The following ME3 variants were observed in gnomAD, a reference collection of about 807,000 sequenced individuals.
ME3 encodes malic enzyme 3.
ME3 carries 48 observed loss-of-function variants against 68.9 expected under a neutral mutation model. That is an observed-to-expected ratio of 0.70 (90% CI 0.55 to 0.89). ME3 has a LOEUF of 0.89. ME3 is among the 40% of genes least tolerant of loss of function. The pLI is 0.00. For missense variants in ME3, 675 were observed against 797.4 expected (o/e 0.85, Z 1.85); for synonymous variants, 320 against 318.8 (o/e 1.00, Z -0.04).
chr11:86,453,958 A>G (rs1746893311), intron 8 of ME3, among the ~76,000 whole-genome samples: 1 of 152,204 alleles, frequency 6.6e-6, no homozygotes, highest in Admixed American at 6.5e-5. Flanking sequence ...GAATTCTTTA[A>G]TAGACAATTA....
At chr11:86,585,924 G>A (rs1050402268) in intron 2 of ME3, among the ~76,000 whole-genome samples, 13 of 152,266 alleles carry the variant, frequency 8.5e-5, no homozygotes, top group African/African-American at 2.2e-4. Flanking sequence ...GAAGGAAGGC[G>A]TGACCAACAC....
At chr11:86,568,349 A>C (rs956871932) in intron 2 of ME3, among the ~76,000 whole-genome samples, 3 of 152,208 alleles carry the variant, frequency 2.0e-5, no homozygotes, top group African/African-American at 7.2e-5. Flanking sequence ...CCAATGGGTT[A>C]ATGTCTGGAA....
chr11:86,660,563 T>C (rs1222862524), intron 2 of ME3, among the ~76,000 whole-genome samples: 1 of 152,200 alleles, frequency 6.6e-6, no homozygotes, highest in East Asian at 1.9e-4. Context: ...ATTGGAATCT[T>C]AGATTGTTCT....
Position 86,536,631 on chromosome 11 carries a change from AAAC to A in ME3, c.467+19919_467+19921del, listed in dbSNP as rs1955682083. Among the ~76,000 whole-genome samples, 4 of 144,704 alleles carry A rather than the reference AAAC, an allele frequency of 2.8e-5. No homozygotes were observed. The South Asian group carries it at 9.2e-4, about 33-fold the overall frequency. The allele number at this position is 144,704 out of a possible 152,430, so 94.9% of individuals were successfully genotyped here. A position where few individuals can be genotyped will look rare whatever the true frequency, so the allele number is the denominator to read the frequency against. ...GAATGGCCATCATTAAAAAGTCAGG[AAAC>A]AACAGGTGCTGGAGAGGATGTGGAG... On this transcript the variant is annotated intron_variant, in intron 4 of 14. Transcript: ENST00000543262.
chr11:86,449,892 G>C (rs763737445), exon 10 of ME3: 1 of 1,611,664 alleles, frequency 6.2e-7, no homozygotes. Flanking sequence ...ACAGTACCTT[G>C]ACAATGAGCC....
chr11:86,574,923 C>CAACATATTGCCT (rs1218095693), intron 2 of ME3, among the ~76,000 whole-genome samples: 16 of 117,984 alleles, frequency 1.4e-4, no homozygotes, highest in South Asian at 4.8e-4. Flanking sequence ...GTGAAGGTAT[C>CAACATATTGCCT]TGCAAATTCC....
intron 2 of ME3, among the ~76,000 whole-genome samples, chr11:86,612,331 G>T (rs1356388750): frequency 6.6e-6 from 1 of 152,142 alleles, no homozygotes; most frequent in Non-Finnish European, 1.5e-5. Flanking sequence ...ATTTGGGTTG[G>T]TTCTATGTCT....
At chr11:86,448,299 G>T in intron 10 of ME3, 44 bp from the exon 11 acceptor site, 1 of 1,426,796 alleles carries the variant, frequency 7.0e-7, no homozygotes, top group Non-Finnish European at 9.9e-7. Context: ...GTGATGGCCT[G>T]TTGGGTAGGA....
chr11:86,594,138 A>G (rs1196872474), intron 2 of ME3, among the ~76,000 whole-genome samples: 1 of 147,004 alleles, frequency 6.8e-6, no homozygotes, highest in African/African-American at 2.5e-5. Context: ...AGAGATATCA[A>G]CAGTTTTAAG....
intron 5 of ME3, among the ~76,000 whole-genome samples, chr11:86,505,921 C>T (rs965596861): frequency 1.3e-5 from 2 of 152,156 alleles, no homozygotes; most frequent in Non-Finnish European, 2.9e-5. Context: ...GGGTGGGCAG[C>T]CAGTCACCTG....
chr11:86,617,045 G>GT (rs563738961), intron 2 of ME3, among the ~76,000 whole-genome samples: 1,170 of 56,238 alleles, frequency 0.021, 166 homozygotes, highest in African/African-American at 0.039. Context: ...CAAGATAGTA[G>GT]TTTTTTTTTT....
intron 2 of ME3, among the ~76,000 whole-genome samples, chr11:86,663,270 T>C (rs964804267): frequency 6.6e-6 from 1 of 152,210 alleles, no homozygotes; most frequent in Non-Finnish European, 1.5e-5. Context: ...TTCAAGTTTC[T>C]CAAAAGCTGT....
chr11:86,592,472 C>G (rs1959120558), intron 2 of ME3, among the ~76,000 whole-genome samples: 1 of 152,192 alleles, frequency 6.6e-6, no homozygotes, highest in Admixed American at 6.5e-5. Context: ...GAGCACTTCA[C>G]AAAACCCATG....
chr11:86,491,466 T>C (rs1478230546), intron 6 of ME3, among the ~76,000 whole-genome samples: 1 of 151,940 alleles, frequency 6.6e-6, no homozygotes, highest in East Asian at 1.9e-4. Flanking sequence ...CTGGAATGAG[T>C]TCAGAGGAAA....
intron 2 of ME3, among the ~76,000 whole-genome samples, chr11:86,624,347 GT>G (rs1325115234): frequency 2.0e-5 from 3 of 152,258 alleles, no homozygotes; most frequent in African/African-American, 7.2e-5. Context: ...TTAGCATTTA[GT>G]TTCATTAGCA....
chr11:86,483,528 G>A (rs759185617), intron 7 of ME3, among the ~76,000 whole-genome samples: 34 of 151,982 alleles, frequency 2.2e-4, no homozygotes, highest in Non-Finnish European at 3.2e-4. Flanking sequence ...ATTATGGTGA[G>A]GGGAAAGAGA....
intron 7 of ME3, among the ~76,000 whole-genome samples, chr11:86,478,837 G>T (rs1423860842): frequency 6.6e-6 from 1 of 152,178 alleles, no homozygotes; most frequent in Non-Finnish European, 1.5e-5. Flanking sequence ...GCCCAGGGAA[G>T]CTTGGTTTAA....
intron 6 of ME3, among the ~76,000 whole-genome samples, chr11:86,492,974 A>G (rs672526): frequency 0.73 from 111,594 of 152,094 alleles, 41,548 homozygotes; most frequent in Non-Finnish European, 0.78. Flanking sequence ...TTCTCCTCAC[A>G]GTGGCAGTCC....
chr11:86,510,926 T>G (rs893334424), intron 4 of ME3, among the ~76,000 whole-genome samples: 1 of 152,184 alleles, frequency 6.6e-6, no homozygotes, highest in Non-Finnish European at 1.5e-5. Context: ...ACAAAACTGA[T>G]TCTCTTTCCT....
Sources: allele counts gnomAD v4.1 joint callset (sites outside exome capture counted in the v4.1 genomes callset), GRCh38; gene constraint gnomAD v4.1.1; transcripts MANE v1.5; gene names NCBI Gene and HGNC (gene_info 2026-07-23, HGNC 2026-07-21).